Variants in OSBPL9 observed in about 807,000 individuals in gnomAD.
OSBPL9 encodes oxysterol-binding protein-related protein 9.
OSBPL9 carries 40 observed loss-of-function variants against 106.6 expected under a neutral mutation model. The observed-to-expected ratio is 0.38, with a 90% CI of 0.29 to 0.49. OSBPL9 has a LOEUF of 0.49. Ranked by LOEUF, OSBPL9 falls within the 20% of genes least tolerant of loss-of-function variation. The pLI is 0.97. For synonymous variants in OSBPL9, 269 were observed against 295.4 expected (o/e 0.91, Z 0.92); for missense variants, 609 against 887.2 (o/e 0.69, Z 3.98).
chr1:51,548,902 C>T, the OSBPL9 span, among the ~76,000 whole-genome samples: 1 of 152,142 alleles, frequency 6.6e-6, no homozygotes, highest in East Asian at 1.9e-4. Context: ...TCAGAGCAGA[C>T]ATTTATAGTA....
chr1:51,604,894 C>T (rs1382872859), intron 2 of OSBPL9, among the ~76,000 whole-genome samples: 1 of 152,082 alleles, frequency 6.6e-6, no homozygotes, highest in Non-Finnish European at 1.5e-5. Flanking sequence ...TCAGGTGATC[C>T]ACCCGCCTCA....
chr1:51,704,873 ATAT>A (rs1658098744), intron 3 of OSBPL9, among the ~76,000 whole-genome samples: 1 of 152,168 alleles, frequency 6.6e-6, no homozygotes, highest in South Asian at 2.1e-4. Flanking sequence ...ATTATGTGAA[ATAT>A]TATGGTTCTG....
At chr1:51,707,366 C>T (rs1658797669) in intron 3 of OSBPL9, 2 of 181,402 alleles carry the variant, frequency 1.1e-5, no homozygotes, top group Middle Eastern at 2.3e-3. Flanking sequence ...TGCTTCAATA[C>T]CTTCTTAATG....
intron 3 of OSBPL9, among the ~76,000 whole-genome samples, chr1:51,680,668 A>C (rs1001307940): frequency 6.6e-6 from 1 of 152,018 alleles, no homozygotes; most frequent in African/African-American, 2.4e-5. Flanking sequence ...CTCAAAAAAA[A>C]CAAAAAAAAA....
intron 9 of OSBPL9, chr1:51,757,086 A>T (rs189830137): frequency 1.1e-4 from 16 of 152,258 alleles, no homozygotes; most frequent in Admixed American, 1.0e-3. Context: ...TGTTTGTCCT[A>T]GACTTTACAA....
intron 2 of OSBPL9, among the ~76,000 whole-genome samples, chr1:51,661,779 A>T (rs751528948): frequency 2.0e-5 from 3 of 152,224 alleles, no homozygotes; most frequent in Non-Finnish European, 4.4e-5. Flanking sequence ...ATATAATCAA[A>T]AAAATACTCT....
intron 4 of OSBPL9, chr1:51,740,224 A>G (rs1238464068): frequency 6.5e-7 from 1 of 1,533,910 alleles, no homozygotes; most frequent in Non-Finnish European, 8.8e-7. Flanking sequence ...AAGTGATTGA[A>G]TTGTAAGTAT....
chr1:51,671,094 T>C (rs1649759477), intron 3 of OSBPL9, among the ~76,000 whole-genome samples: 1 of 152,248 alleles, frequency 6.6e-6, no homozygotes, highest in Admixed American at 6.5e-5. Flanking sequence ...TGATAAGAGT[T>C]ATGCACATTT....
At chr1:51,689,373 T>C (rs533953539) in intron 3 of OSBPL9, among the ~76,000 whole-genome samples, 1 of 152,274 alleles carries the variant, frequency 6.6e-6, no homozygotes, top group East Asian at 1.9e-4. Context: ...TTTTTCTTTC[T>C]TTCCTTTCAT....
At chr1:51,718,434 A>C (rs899359631) in intron 4 of OSBPL9, among the ~76,000 whole-genome samples, 4 of 152,218 alleles carry the variant, frequency 2.6e-5, no homozygotes, top group African/African-American at 4.8e-5. Flanking sequence ...TTTCATGCCT[A>C]TATCAAAATA....
intron 1 of OSBPL9, among the ~76,000 whole-genome samples, chr1:51,595,516 G>A (rs935304387): frequency 6.6e-6 from 1 of 152,192 alleles, no homozygotes; most frequent in African/African-American, 2.4e-5. Flanking sequence ...AAGGCTTCCT[G>A]AAGAAAGTGA....
At chr1:51,779,990 A>G (rs1675949546) in intron 15 of OSBPL9, among the ~76,000 whole-genome samples, 1 of 151,446 alleles carries the variant, frequency 6.6e-6, no homozygotes, top group Non-Finnish European at 1.5e-5. Context: ...AGGCAGGAGA[A>G]TGGCGTGAAC....
At chr1:51,559,695 TTTTAATTTTGTATATGAAC>T in the OSBPL9 span, among the ~76,000 whole-genome samples, 1 of 152,228 alleles carries the variant, frequency 6.6e-6, no homozygotes, top group Non-Finnish European at 1.5e-5. Flanking sequence ...TGTCAAATAC[TTTTAATTTTGTATATGAAC>T]AAAGATACAG....
intron 1 of OSBPL9, among the ~76,000 whole-genome samples, chr1:51,581,027 C>G (rs1255253569): frequency 1.4e-5 from 2 of 142,642 alleles, no homozygotes; most frequent in Non-Finnish European, 3.1e-5. Context: ...TCACTGCAAC[C>G]TTGTCTGTCA....
At chr1:51,730,002 G>A in intron 4 of OSBPL9, 3 of 1,316,010 alleles carry the variant, frequency 2.3e-6, no homozygotes, top group Admixed American at 3.1e-5. Context: ...CACTTGCGGA[G>A]TGAGTAGACC....
At position 51,785,820 on chromosome 1, in the gene OSBPL9, C is replaced by A. The variant is rs1557878627; in HGVS notation, c.1842C>A (p.Asp614Glu). The A allele has an allele frequency of 2.5e-6, 4 of 1,609,030 alleles. No individual in the cohort carries two copies. The Admixed American group carries it at 5.1e-5, about 21-fold the overall frequency. Residue 614 changes from aspartate (D) to glutamate (E), a missense_variant, in exon 21 of 24, where the codon GAC becomes GAA. By Grantham distance (45) the Asp-to-Glu change is conservative. This residue lies in a region of OSBPL9 where 132 missense variants were observed against 158.1 expected (regional missense o/e 0.83). Coordinates refer to ENST00000428468, the MANE Select transcript of OSBPL9 (RefSeq NM_024586.6). ...RITAEIFSPNDKKSFCSIEGE... is the reference protein window; with the variant it reads ...RITAEIFSPNEKKSFCSIEGE... ...CTTTTCTGTTCAGTTCTCCAAATGA[C>A]AAGAAGTCTTTTTGCTCAATTGAAG... is the stretch of plus-strand genomic sequence containing the variant.
chr1:51,591,845 T>C (rs1645276857), intron 1 of OSBPL9, among the ~76,000 whole-genome samples: 1 of 152,058 alleles, frequency 6.6e-6, no homozygotes, highest in Non-Finnish European at 1.5e-5. Context: ...CGCTAATATA[T>C]ATGCCTCTTA....
intron 1 of OSBPL9, among the ~76,000 whole-genome samples, chr1:51,650,600 C>T (rs183468960): frequency 4.9e-4 from 74 of 152,126 alleles, no homozygotes; most frequent in African/African-American, 1.7e-3. Context: ...TTTAGTATCT[C>T]GGTAATCACT....
chr1:51,555,874 T>G, the OSBPL9 span, among the ~76,000 whole-genome samples: 2 of 152,234 alleles, frequency 1.3e-5, no homozygotes, highest in African/African-American at 4.8e-5. Context: ...CCCAGCCAGA[T>G]TCTATACGAT....
Sources: gnomAD v4.1 joint callset for allele counts (sites outside exome capture counted in the v4.1 genomes callset) on GRCh38, gnomAD v4.1.1 for gene constraint, gnomAD v4.1.1 regional missense constraint, MANE v1.5 for transcripts, NCBI Gene and HGNC (gene_info 2026-07-23, HGNC 2026-07-21) for gene names.